Variants in NEK6 observed in about 807,000 individuals in gnomAD.
NEK6 encodes NIMA related kinase 6, also known as serine/threonine-protein kinase Nek6.
A neutral mutation model predicts 43.5 loss-of-function variants in NEK6; 27 were observed. The observed-to-expected ratio is 0.62, with a 90% confidence interval of 0.46 to 0.86. The LOEUF (loss-of-function observed/expected upper bound fraction) is 0.86. Ranked by LOEUF, NEK6 falls within the 40% of genes least tolerant of loss-of-function variation. NEK6 has a pLI of 0.00. For missense variants in NEK6, 318 were observed against 414.4 expected (o/e 0.77, Z 2.02); for synonymous variants, 167 against 164.1 (o/e 1.02, Z -0.14).
chr9:124,289,119 T>C (rs1285429070), intron 1 of NEK6, among the ~76,000 whole-genome samples: 1 of 150,308 alleles, frequency 6.7e-6, no homozygotes, highest in Non-Finnish European at 1.5e-5. Context: ...GTGCTAGGAT[T>C]ACAGGTGTGA....
chr9:124,271,444 G>A (rs1588441391), intron 1 of NEK6, among the ~76,000 whole-genome samples: 1 of 152,372 alleles, frequency 6.6e-6, no homozygotes, highest in Non-Finnish European at 1.5e-5. Context: ...GGAGGCTCAG[G>A]TGAGGGGTAC....
At position 124,326,349 on chromosome 9, in the gene NEK6, G is replaced by T; in HGVS notation, c.425G>T (p.Arg142Leu). The T allele has an allele frequency of 6.2e-7, 1 of 1,611,426 alleles. No individual in the cohort carries two copies. The change falls in exon 6 of 10, where the codon CGG becomes CTG. Residue 142 changes from arginine (R) to leucine (L), a missense_variant. Arg to Leu is a moderately radical substitution (Grantham distance 102, BLOSUM62 -2). Coordinates refer to ENST00000320246, the MANE Select transcript of NEK6 (RefSeq NM_014397.6). This position sits in a 1 kb window ranked among gnomAD's most constrained non-coding sequence, Gnocchi z 4.5. Reference sequence around the variant, plus strand: ...CTGCAGTACTTTAAGAAGCAGAAGCGGCTCATCCCGGAGAGGACAGTATGG... The same window carrying T: ...CTGCAGTACTTTAAGAAGCAGAAGCTGCTCATCCCGGAGAGGACAGTATGG... ...QMIKYFKKQK[R>L]LIPERTVWKY...
intron 1 of NEK6, among the ~76,000 whole-genome samples, chr9:124,278,039 G>C (rs976017378): frequency 2.0e-5 from 3 of 152,234 alleles, no homozygotes; most frequent in Non-Finnish European, 4.4e-5. Flanking sequence ...AGCAGACTGC[G>C]TATGTGACGT....
At chr9:124,341,708 G>A (rs1025299522) in intron 8 of NEK6, among the ~76,000 whole-genome samples, 1 of 152,102 alleles carries the variant, frequency 6.6e-6, no homozygotes, top group Non-Finnish European at 1.5e-5. Context: ...TGGGTGGGTT[G>A]GGGCGGCGAG....
chr9:124,328,447 C>T lies in NEK6; in HGVS notation c.622+1002C>T, dbSNP rs1828786762. ...GAGGTGTGTTTGCAGTGGAAGGTGC[C>T]CCCAGGCCCACCCCCTGTGTGCTGT... On this transcript the variant is annotated intron_variant, in intron 7 of 9. Coordinates refer to ENST00000320246, the MANE Select transcript of NEK6 (RefSeq NM_014397.6). Among the ~76,000 whole-genome samples the T allele has an allele frequency of 3.9e-5, 6 of 152,214 alleles. No homozygotes were observed. The South Asian group carries it at 1.2e-3, about 32-fold the overall frequency.
At chr9:124,266,536 G>C (rs976631749) in intron 1 of NEK6, among the ~76,000 whole-genome samples, 5 of 152,196 alleles carry the variant, frequency 3.3e-5, no homozygotes, top group Admixed American at 2.6e-4. Flanking sequence ...CAGCTGGAAG[G>C]AACAGTGTGC....
intron 1 of NEK6, among the ~76,000 whole-genome samples, chr9:124,295,087 C>T (rs913670152): frequency 2.6e-5 from 4 of 152,202 alleles, no homozygotes; most frequent in Non-Finnish European, 5.9e-5. Context: ...GCAGGCCCAC[C>T]CTGGGGGAGG....
At chr9:124,305,257 T>A (rs1833190863) in intron 2 of NEK6, among the ~76,000 whole-genome samples, 1 of 152,214 alleles carries the variant, frequency 6.6e-6, no homozygotes, top group Admixed American at 6.5e-5. Context: ...CAATGGCTAT[T>A]AAAATTCAGT....
chr9:124,281,218 A>G (rs563320716), intron 1 of NEK6, among the ~76,000 whole-genome samples: 2 of 152,296 alleles, frequency 1.3e-5, no homozygotes, highest in South Asian at 4.1e-4. Flanking sequence ...GTTCACTAGA[A>G]TTACCCTCAT....
intron 1 of NEK6, 55 bp downstream of exon 1, chr9:124,258,140 G>C (rs1379670215): frequency 4.1e-6 from 4 of 978,026 alleles, no homozygotes; most frequent in South Asian, 4.7e-5. Context: ...CCGGAGAAGG[G>C]CGGGGGCCGG....
chr9:124,321,034 G>T (rs1834038360), intron 4 of NEK6, among the ~76,000 whole-genome samples: 1 of 152,214 alleles, frequency 6.6e-6, no homozygotes, highest in South Asian at 2.1e-4. Flanking sequence ...GCACCTGCAG[G>T]CTGGCCGTGT....
intron 1 of NEK6, among the ~76,000 whole-genome samples, chr9:124,291,619 T>C (rs538943227): frequency 2.0e-5 from 3 of 150,890 alleles, no homozygotes; most frequent in South Asian, 4.2e-4. Flanking sequence ...AGAGCGAAAC[T>C]CCATCTCAAA....
intron 1 of NEK6, chr9:124,258,480 G>A: frequency 3.2e-6 from 1 of 311,236 alleles, no homozygotes; most frequent in Non-Finnish European, 4.7e-6. Flanking sequence ...GGGAGTGTGT[G>A]TGTGCACGTG....
chr9:124,269,297 G>A (rs946121821), intron 1 of NEK6, among the ~76,000 whole-genome samples: 1 of 152,018 alleles, frequency 6.6e-6, no homozygotes, highest in Non-Finnish European at 1.5e-5. Context: ...TTACTGTGCC[G>A]TGCTACTCTA....
At chr9:124,337,236 C>T (rs1588535761) in intron 7 of NEK6, among the ~76,000 whole-genome samples, 2 of 152,174 alleles carry the variant, frequency 1.3e-5, no homozygotes, top group East Asian at 1.9e-4. Context: ...CCAGAGATAA[C>T]CCTACAGGTG....
chr9:124,312,819 A>T (rs533679430), intron 3 of NEK6, among the ~76,000 whole-genome samples, 170 bp downstream of exon 3: 3 of 152,278 alleles, frequency 2.0e-5, no homozygotes, highest in South Asian at 4.1e-4. Flanking sequence ...ATGAAAGTTC[A>T]CTGTGAACTG....
intron 9 of NEK6, among the ~76,000 whole-genome samples, chr9:124,349,154 C>T (rs905433504): frequency 1.3e-5 from 2 of 152,246 alleles, no homozygotes; most frequent in Middle Eastern, 3.2e-3. Flanking sequence ...GAGTGTCGGG[C>T]GCTGCACAGT....
At chr9:124,292,474 G>A in intron 1 of NEK6, 5 of 1,537,022 alleles carry the variant, frequency 3.3e-6, no homozygotes, top group Middle Eastern at 3.3e-4. Flanking sequence ...GGAGGCCACG[G>A]GCTTGAAAGC....
At position 124,339,665 on chromosome 9, in the gene NEK6, G is replaced by C; in HGVS notation, c.717G>C (p.Glu239Asp). 1 of 1,610,302 alleles carries C rather than the reference G, an allele frequency of 6.2e-7. No individual in the cohort carries two copies. Among genetic ancestry groups the C allele is most frequent in the Non-Finnish European group, 8.5e-7 (1 of 1,176,454 alleles). The change falls in exon 8 of 10, where the codon GAG (glutamate) becomes GAC (aspartate). Residue 239 changes from glutamate to aspartate, a missense_variant and splice_region_variant. Transcript: ENST00000320246. ...DIWSLGCLLY[E>D]MAALQSPFYG... is the part of the protein sequence containing the mutation. ...GGTCCCTGGGCTGTCTGCTGTACGA[G>C]GTGAGTCTCTGTCCGTGGCTCAGCA...
Sources: allele counts gnomAD v4.1 joint callset (sites outside exome capture counted in the v4.1 genomes callset), GRCh38; gene constraint gnomAD v4.1.1; non-coding constraint Gnocchi (gnomAD v3.1); transcripts MANE v1.5; gene names NCBI Gene and HGNC (gene_info 2026-07-23, HGNC 2026-07-21).